The following QSOX1 variants were observed in gnomAD, a reference collection of about 807,000 sequenced individuals.
QSOX1 encodes the protein sulfhydryl oxidase 1.
QSOX1 carries 40 observed loss-of-function variants against 76.1 expected under a neutral mutation model. The ratio of observed to expected loss-of-function variants is 0.53; its 90% CI spans 0.41 to 0.68. The LOEUF (loss-of-function observed/expected upper bound fraction) is 0.68. QSOX1 is among the 30% of genes least tolerant of loss of function. The probability of loss-of-function intolerance (pLI) is 0.00; values close to 1 mark genes in which losing one functional copy is unlikely to be tolerated. For synonymous variants in QSOX1, 392 were observed against 413.1 expected (o/e 0.95, Z 0.62); for missense variants, 931 against 974.3 (o/e 0.96, Z 0.59).
chr1:180,156,959 A>G (rs1201051226), intron 1 of QSOX1, among the ~76,000 whole-genome samples: 2 of 152,208 alleles, frequency 1.3e-5, no homozygotes, highest in Non-Finnish European at 2.9e-5. Context: ...GCTGGGGGGA[A>G]AGATTAGCTT....
Position 180,178,783 on chromosome 1 carries a change from G to C in QSOX1, c.516-11G>C, listed in dbSNP as rs760862860. The C allele has an allele frequency of 2.2e-5, 35 of 1,611,160 alleles. No individual in the cohort carries two copies. The highest frequency in any genetic ancestry group is 3.0e-5 in the Non-Finnish European group (35 of 1,177,474). ...GCTGTGCAGAGTGACTGCCAGAATTGTCTCTTGCAGGCTGGAGGAGATTGA... is the reference window on the plus strand; with the variant it reads ...GCTGTGCAGAGTGACTGCCAGAATTCTCTCTTGCAGGCTGGAGGAGATTGA... On this transcript the variant is annotated splice_polypyrimidine_tract_variant and intron_variant, in intron 4 of 11. Coordinates refer to ENST00000367602, the MANE Select transcript of QSOX1 (RefSeq NM_002826.5).
chr1:180,180,929 G>A (rs534769534), intron 5 of QSOX1, among the ~76,000 whole-genome samples: 8 of 152,204 alleles, frequency 5.3e-5, no homozygotes, highest in African/African-American at 1.9e-4. Flanking sequence ...TGAAGTTGGT[G>A]GTATTATTAT....
intron 11 of QSOX1, among the ~76,000 whole-genome samples, chr1:180,195,940 G>A (rs1663471221): frequency 6.6e-6 from 1 of 152,192 alleles, no homozygotes; most frequent in Non-Finnish European, 1.5e-5. Context: ...AAGGCTGGTT[G>A]TAAAGTCCAC....
At chr1:180,160,326 GCA>G (rs1321751856) in intron 1 of QSOX1, among the ~76,000 whole-genome samples, 2 of 151,322 alleles carry the variant, frequency 1.3e-5, no homozygotes, top group African/African-American at 4.9e-5. Context: ...GTCAGCAATT[GCA>G]CAGATTCCCT....
rs1176539362 is a variant in QSOX1 at position 180,203,508 on chromosome 1, A to C, written c.*6471A>C. 1 of 152,216 alleles carries C rather than the reference A, an allele frequency of 6.6e-6. No individual in the cohort carries two copies. The highest frequency in any genetic ancestry group is 1.5e-5 in the Non-Finnish European group (1 of 68,038). 9.4% of individuals were successfully genotyped at this position (152,216 alleles called of 1,614,324 possible). A position where few individuals can be genotyped will look rare whatever the true frequency, so the allele number is the denominator to read the frequency against. On this transcript the variant is annotated 3_prime_UTR_variant, in exon 12 of 12. Transcript: ENST00000367602. ...CTCGCCCTAGTCCTGGCTTTCACTT[A>C]AATATGTTTTCGAATGTTTGTAATA...
In QSOX1 at chr1:180,198,194, C is replaced by T. The variant is rs905294425; in HGVS notation, c.*1157C>T. 3 of 456,586 alleles carry T rather than the reference C, an allele frequency of 6.6e-6. No individual in the cohort carries two copies. The highest frequency in any genetic ancestry group is 2.3e-5 in the Admixed American group (1 of 42,562). The allele number at this position is 456,586 out of a possible 1,614,324, so 28.3% of individuals were successfully genotyped here. A position where few individuals can be genotyped will look rare whatever the true frequency, so the allele number is the denominator to read the frequency against. The stretch of plus-strand genomic sequence containing the variant: ...CCCATAGAACTGTCTGCACCCAAAC[C>T]CCATGGCCTTTTCATGCACGGAGAC... On this transcript the variant is annotated 3_prime_UTR_variant, in exon 12 of 12. Transcript: ENST00000367602.
At chr1:180,179,500 CAG>C (rs1662977069) in intron 5 of QSOX1, among the ~76,000 whole-genome samples, 2 of 152,212 alleles carry the variant, frequency 1.3e-5, no homozygotes, top group Non-Finnish European at 2.9e-5. Flanking sequence ...TCAAATGCAG[CAG>C]TTTATGTAAA....
chr1:180,173,005 A>G (rs913143423), intron 2 of QSOX1, among the ~76,000 whole-genome samples: 1 of 152,244 alleles, frequency 6.6e-6, no homozygotes, highest in African/African-American at 2.4e-5. Context: ...TTGTTCTCAT[A>G]TATGTAGAAA....
Position 180,186,194 on chromosome 1 carries a change from C to G in QSOX1, c.1017+12C>G, listed in dbSNP as rs1572051370. Reference sequence around the variant, plus strand: ...CAGTGCTGGCCAAGGTGAGCAGGGCCATGGCTTCCCTTGTCTGTGCAATTC... The same window carrying G: ...CAGTGCTGGCCAAGGTGAGCAGGGCGATGGCTTCCCTTGTCTGTGCAATTC... On this transcript the variant is annotated intron_variant, in intron 8 of 11. Transcript: ENST00000367602. 1.9e-6 allele frequency: 3 copies of G among 1,607,644 alleles called. No homozygotes were observed. Among genetic ancestry groups the G allele is most frequent in the Admixed American group, 3.4e-5 (2 of 59,568 alleles).
At chr1:180,185,693 G>A in intron 7 of QSOX1, among the ~76,000 whole-genome samples, 1 of 152,186 alleles carries the variant, frequency 6.6e-6, no homozygotes, top group East Asian at 1.9e-4. Flanking sequence ...GCTCGGAGCT[G>A]GCCTGATTAG....
At chr1:180,194,984 GTGAC>G (rs1259228541) in intron 11 of QSOX1, among the ~76,000 whole-genome samples, 1 of 146,558 alleles carries the variant, frequency 6.8e-6, no homozygotes, top group African/African-American at 2.5e-5. Context: ...GCACGTGGCT[GTGAC>G]AGCCTCCCGG....
intron 2 of QSOX1, among the ~76,000 whole-genome samples, chr1:180,167,762 A>G (rs1662667061): frequency 6.6e-6 from 1 of 152,218 alleles, no homozygotes; most frequent in Non-Finnish European, 1.5e-5. Context: ...CGTGTCATTG[A>G]AAAGTGGCAG....
chr1:180,189,742 T>G, intron 9 of QSOX1, 68 bp downstream of exon 9: 1 of 1,510,712 alleles, frequency 6.6e-7, no homozygotes, highest in Non-Finnish European at 9.0e-7. Context: ...GGGTTAACCC[T>G]GTCATTTCTG....
chr1:180,178,448 G>A (rs1032197248), intron 4 of QSOX1, among the ~76,000 whole-genome samples: 1 of 152,132 alleles, frequency 6.6e-6, no homozygotes, highest in Non-Finnish European at 1.5e-5. Flanking sequence ...GGCTGGTCTC[G>A]AACTCCAGAC....
At chr1:180,168,939 C>T (rs748171775) in intron 2 of QSOX1, among the ~76,000 whole-genome samples, 18 of 152,310 alleles carry the variant, frequency 1.2e-4, no homozygotes, top group Middle Eastern at 6.8e-3. Flanking sequence ...AGGGCCCATG[C>T]GAAGCAGGGG....
intron 10 of QSOX1, among the ~76,000 whole-genome samples, chr1:180,192,137 A>G (rs1348065651): frequency 1.3e-5 from 2 of 152,166 alleles, no homozygotes; most frequent in South Asian, 2.1e-4. Flanking sequence ...GGGCTTCAAC[A>G]TAGGAATTTG....
chr1:180,191,574 C>T (rs1339708946), intron 10 of QSOX1, among the ~76,000 whole-genome samples: 2 of 152,268 alleles, frequency 1.3e-5, no homozygotes, highest in Non-Finnish European at 2.9e-5. Context: ...GCATATGAGA[C>T]AGGTCCCTGC....
chr1:180,169,904 G>T (rs1449925497), intron 2 of QSOX1, among the ~76,000 whole-genome samples: 1 of 152,238 alleles, frequency 6.6e-6, no homozygotes, highest in Non-Finnish European at 1.5e-5. Flanking sequence ...GGTCAGAGAG[G>T]AGTGTGTGTA....
chr1:180,190,525 C>T lies in QSOX1; in HGVS notation c.1233C>T (p.Phe411=). Residue 411 remains phenylalanine, a synonymous_variant, in exon 10 of 12, where the codon TTC becomes TTT. Coordinates refer to ENST00000367602, the MANE Select transcript of QSOX1 (RefSeq NM_002826.5). ...RGFPCSLWVL[F]HFLTVQAARQ... is the part of the protein sequence containing the mutation. ...TTCCCTGCTCCCTGTGGGTCCTCTT[C>T]CACTTCTTGACTGTGCAGGCAGCTC... The T allele has an allele frequency of 6.2e-7, 1 of 1,614,194 alleles. No homozygotes were observed. The highest frequency in any genetic ancestry group is 8.5e-7 in the Non-Finnish European group (1 of 1,180,020).
Sources: gnomAD v4.1 joint callset for allele counts (sites outside exome capture counted in the v4.1 genomes callset) on GRCh38, gnomAD v4.1.1 for gene constraint, MANE v1.5 for transcripts, NCBI Gene and HGNC (gene_info 2026-07-23, HGNC 2026-07-21) for gene names.